TNN: variants seen among roughly 807,000 people sequenced by gnomAD.
TNN encodes the protein tenascin-N.
A neutral mutation model predicts 134.4 loss-of-function variants in TNN; 122 were observed. That is an observed-to-expected ratio of 0.91 (90% CI 0.78 to 1.06). The LOEUF is 1.06. TNN is among the 50% of genes least tolerant of loss of function. The probability of loss-of-function intolerance (pLI) is 0.00; values close to 1 mark genes in which losing one functional copy is unlikely to be tolerated. For synonymous variants in TNN, 710 were observed against 670.3 expected, an observed-to-expected ratio of 1.06 and a Z score of -0.91; for missense variants, 1,739 against 1,699.4, an observed-to-expected ratio of 1.02 and a Z score of -0.41.
rs577178889 is a variant in TNN at position 175,090,453 on chromosome 1, C to T, written c.1325-3537C>T. Reference sequence around the variant, plus strand: ...AATCAATGACACAGGTCCTGCCCCCCGTGTCTTCCTCCCCCAAGATCATTT... The same window carrying T: ...AATCAATGACACAGGTCCTGCCCCCTGTGTCTTCCTCCCCCAAGATCATTT... On this transcript the variant is annotated intron_variant, in intron 6 of 18. Coordinates refer to ENST00000239462, the MANE Select transcript of TNN (RefSeq NM_022093.2). 5.5e-4 allele frequency among the ~76,000 whole-genome samples: 82 copies of T among 150,028 alleles called. 1 individual carries two copies. Among genetic ancestry groups the T allele is most frequent in the Middle Eastern group, 3.5e-3 (1 of 288 alleles).
At position 175,118,577 on chromosome 1, in the gene TNN, A is replaced by T; in HGVS notation, c.2403A>T (p.Gln801His). 1.9e-6 allele frequency: 3 copies of T among 1,613,970 alleles called. No individual in the cohort carries two copies. The highest frequency in any genetic ancestry group is 2.2e-5 in the South Asian group (2 of 91,016). Residue 801 changes from glutamine (Q) to histidine (H), a missense_variant, in exon 11 of 19, where the codon CAA (glutamine) becomes CAT (histidine). Coordinates refer to ENST00000239462, the MANE Select transcript of TNN (RefSeq NM_022093.2). ...TKAQTDIDSP[Q>H]NLVTDWVTEN... is the part of the protein sequence containing the mutation. The stretch of plus-strand genomic sequence containing the variant: ...TTTTTTCAGACATTGACAGCCCCCA[A>T]AACCTGGTCACTGACTGGGTGACAG...
Position 175,077,407 on chromosome 1 carries a change from G to A in TNN, c.-12G>A. ...AGGCATCCTGGAGGGTCTGCTCCCT[G>A]TCTTTCCAAGGATGAGTCTCCAGGA... is the stretch of plus-strand genomic sequence containing the variant. On this transcript the variant is annotated 5_prime_UTR_variant, in exon 2 of 19. Transcript: ENST00000239462. The A allele has an allele frequency of 6.2e-7, 1 of 1,605,950 alleles. No homozygotes were observed. The highest frequency in any genetic ancestry group is 8.5e-7 in the Non-Finnish European group (1 of 1,174,902).
chr1:175,067,922 C>A lies in TNN; in HGVS notation c.-49C>A. On this transcript the variant is annotated 5_prime_UTR_variant, in exon 1 of 19. Transcript: ENST00000239462. ...GAGCAGCAGCATTGGAAGAGGCACCCAGCAGCCTCCCAGGTAAGAGTGCCA... is the reference window on the plus strand; with the variant it reads ...GAGCAGCAGCATTGGAAGAGGCACCAAGCAGCCTCCCAGGTAAGAGTGCCA... The A allele has an allele frequency of 2.1e-6, 1 of 483,936 alleles. No individual in the cohort carries two copies. Among genetic ancestry groups the A allele is most frequent in the Non-Finnish European group, 4.1e-6 (1 of 242,690 alleles). 30.0% of individuals were successfully genotyped at this position (483,936 alleles called of 1,614,324 possible). A position where few individuals can be genotyped will look rare whatever the true frequency, so the allele number is the denominator to read the frequency against.
In TNN at chr1:175,134,770, A is replaced by T. The variant is rs1316256578; in HGVS notation, c.3331-1075A>T. The stretch of plus-strand genomic sequence containing the variant: ...ATGCACTTCCATCTATTCTCAGGGC[A>T]TTCCTCATCCAAGCTACTGTCCCCC... On this transcript the variant is annotated intron_variant, in intron 15 of 18. Transcript: ENST00000239462. Among the ~76,000 whole-genome samples the T allele has an allele frequency of 3.3e-5, 5 of 151,986 alleles. 1 individual carries two copies. Among genetic ancestry groups the T allele is most frequent in the Admixed American group, 3.3e-4 (5 of 15,246 alleles).
At chr1:175,131,538 A>T (rs1029270919) in intron 15 of TNN, among the ~76,000 whole-genome samples, 1 of 152,124 alleles carries the variant, frequency 6.6e-6, no homozygotes, top group Non-Finnish European at 1.5e-5. Flanking sequence ...AGTGGATTAG[A>T]CTCTGAGTGA....
At chr1:175,099,195 G>A (rs1255001743) in intron 9 of TNN, among the ~76,000 whole-genome samples, 1 of 152,210 alleles carries the variant, frequency 6.6e-6, no homozygotes, top group Non-Finnish European at 1.5e-5. Context: ...GCCTGCTCCA[G>A]GCAGGGGACA....
rs769920420 is a variant in TNN at position 175,144,425 on chromosome 1, A to G, written c.3634A>G (p.Thr1212Ala). Residue 1212 changes from threonine to alanine, a missense_variant, in exon 18 of 19, where the codon ACT becomes GCT. Physicochemically the swap from Thr to Ala is moderately conservative, Grantham distance 58. Transcript: ENST00000239462. The stretch of plus-strand genomic sequence containing the variant: ...TTACCACAATGGATGGAAGTTTACA[A>G]CTTTTGACAGAGACAATGATATCGC... ...LTYHNGWKFT[T>A]FDRDNDIALS... is the part of the protein sequence containing the mutation. The G allele has an allele frequency of 3.7e-6, 6 of 1,614,118 alleles. No individual in the cohort carries two copies. Among genetic ancestry groups the G allele is most frequent in the South Asian group, 1.1e-5 (1 of 91,076 alleles).
Position 175,118,763 on chromosome 1 carries a change from G to T in TNN, c.2589G>T (p.Val863=). Residue 863 remains valine (V), a synonymous_variant, in exon 11 of 19, where the codon GTG becomes GTT. Coordinates refer to ENST00000239462, the MANE Select transcript of TNN (RefSeq NM_022093.2). ...TGLRPGMEYT[V]HVWAQKGNQE... ...TGAGGCCGGGCATGGAGTACACGGT[G>T]CACGTGTGGGCCCAGAAGGGGAACC... 2 of 1,614,220 alleles carry T rather than the reference G, an allele frequency of 1.2e-6. No individual in the cohort carries two copies. The highest frequency in any genetic ancestry group is 2.2e-5 in the South Asian group (2 of 91,084).
chr1:175,136,901 T>A lies in TNN; in HGVS notation c.3508T>A (p.Ser1170Thr). 1 of 1,614,186 alleles carries A rather than the reference T, an allele frequency of 6.2e-7. No homozygotes were observed. Among genetic ancestry groups the A allele is most frequent in the Non-Finnish European group, 8.5e-7 (1 of 1,180,038 alleles). ...AGTGGATTTACAGACTGCCAATGAA[T>A]CTGCCTATGCTATATATGATTTCTT... Reference protein sequence around the residue: ...VRVDLQTANESAYAIYDFFQV... With the variant: ...VRVDLQTANETAYAIYDFFQV... Residue 1170 changes from serine to threonine, a missense_variant, in exon 17 of 19, where the codon TCT (serine) becomes ACT (threonine). Coordinates refer to ENST00000239462, the MANE Select transcript of TNN (RefSeq NM_022093.2).
At chr1:175,075,844 C>T (rs1425820480) in intron 1 of TNN, among the ~76,000 whole-genome samples, 1 of 152,114 alleles carries the variant, frequency 6.6e-6, no homozygotes, top group African/African-American at 2.4e-5. Context: ...AGGTGCCTTT[C>T]CACCATATCC....
chr1:175,081,511 G>T (rs1399826544), intron 4 of TNN, among the ~76,000 whole-genome samples: 1 of 152,206 alleles, frequency 6.6e-6, no homozygotes, highest in Admixed American at 6.5e-5. Context: ...TTGGCATGCA[G>T]TTGTCTTTGC....
At chr1:175,077,051 C>T (rs1674057768) in intron 1 of TNN, among the ~76,000 whole-genome samples, 1 of 152,082 alleles carries the variant, frequency 6.6e-6, no homozygotes, top group Non-Finnish European at 1.5e-5. Flanking sequence ...CTGTAAAGAT[C>T]CAGAATTAGG....
intron 7 of TNN, 50 bp from the exon 8 acceptor site, chr1:175,097,367 G>A (rs1275368615): frequency 2.5e-6 from 4 of 1,606,878 alleles, no homozygotes; most frequent in Admixed American, 1.7e-5. Flanking sequence ...TGTCTTTATG[G>A]AATTAGAGGG....
chr1:175,100,476 C>T (rs957050546), intron 9 of TNN, among the ~76,000 whole-genome samples: 2 of 152,236 alleles, frequency 1.3e-5, no homozygotes, highest in African/African-American at 4.8e-5. Context: ...TCAAGTCCCA[C>T]CTCACTGGCT....
intron 5 of TNN, among the ~76,000 whole-genome samples, 169 bp from the exon 6 acceptor site, chr1:175,085,236 G>C (rs982414598): frequency 1.3e-5 from 2 of 152,228 alleles, no homozygotes; most frequent in Non-Finnish European, 2.9e-5. Context: ...GACACCTCAT[G>C]TTCTATTGCA....
intron 6 of TNN, among the ~76,000 whole-genome samples, chr1:175,091,562 TA>T (rs58303142): frequency 0.32 from 38,831 of 122,380 alleles, 5,400 homozygotes; most frequent in Non-Finnish European, 0.35. Context: ...TTATTATTTT[TA>T]TTTATTTATT....
chr1:175,115,909 T>G (rs1319717290), intron 9 of TNN, among the ~76,000 whole-genome samples: 1 of 152,290 alleles, frequency 6.6e-6, no homozygotes, highest in East Asian at 1.9e-4. Flanking sequence ...CTTCCTGGTT[T>G]CCAGCTGCTC....
At chr1:175,099,726 C>T (rs760552230) in intron 9 of TNN, among the ~76,000 whole-genome samples, 6 of 152,078 alleles carry the variant, frequency 3.9e-5, no homozygotes, top group South Asian at 2.1e-4. Flanking sequence ...AGCTGGGGGT[C>T]GTGGAAAGTC....
chr1:175,107,048 G>A lies in TNN; in HGVS notation c.2119+8453G>A, dbSNP rs182095310. On this transcript the variant is annotated intron_variant, in intron 9 of 18. Coordinates refer to ENST00000239462, the MANE Select transcript of TNN (RefSeq NM_022093.2). ...CTTGGCGATTGGGAAAGGTCTCACC[G>A]CTCGGCTATTGTCTCACCGCTTGGC... is the stretch of plus-strand genomic sequence containing the variant. 2.5e-4 allele frequency among the ~76,000 whole-genome samples: 36 copies of A among 146,374 alleles called. 3 individuals carry two copies. The highest frequency in any genetic ancestry group is 2.0e-3 in the Admixed American group (29 of 14,578).
Sources: gnomAD v4.1 joint callset for allele counts (sites outside exome capture counted in the v4.1 genomes callset) on GRCh38, gnomAD v4.1.1 for gene constraint, MANE v1.5 for transcripts, NCBI Gene and HGNC (gene_info 2026-07-23, HGNC 2026-07-21) for gene names.